ASIC2: variants seen among roughly 807,000 people sequenced by gnomAD.
The protein encoded by ASIC2 is acid sensing ion channel subunit 2.
A neutral mutation model predicts 57.3 loss-of-function variants in ASIC2; 25 were observed. The observed-to-expected ratio is 0.44, with a 90% CI of 0.32 to 0.61. The LOEUF (loss-of-function observed/expected upper bound fraction) is 0.61. Ranked by LOEUF, ASIC2 falls within the 20% of genes least tolerant of loss-of-function variation. ASIC2 has a pLI of 0.06. For synonymous variants in ASIC2, 319 were observed against 307.5 expected, an observed-to-expected ratio of 1.04 and a Z score of -0.39; for missense variants, 641 against 738.1, an observed-to-expected ratio of 0.87 and a Z score of 1.52.
intron 1 of ASIC2, among the ~76,000 whole-genome samples, chr17:33,193,858 C>T (rs967690451): frequency 2.0e-5 from 3 of 152,148 alleles, no homozygotes; most frequent in African/African-American, 4.8e-5. Context: ...TAGTTTCTGC[C>T]GCTGGTAGCT....
chr17:33,148,247 A>G (rs1350913066), intron 1 of ASIC2, among the ~76,000 whole-genome samples: 1 of 152,208 alleles, frequency 6.6e-6, no homozygotes, highest in Non-Finnish European at 1.5e-5. Context: ...AAACATTGAC[A>G]CATACCATAT....
chr17:33,678,714 A>G (rs1907905096), intron 1 of ASIC2, among the ~76,000 whole-genome samples: 1 of 152,162 alleles, frequency 6.6e-6, no homozygotes, highest in African/African-American at 2.4e-5. Context: ...GGCCCTGTCC[A>G]GAAGGCTCTG....
rs187743023 is a variant in ASIC2 at position 34,142,107 on chromosome 17, T to C, written c.555+13871A>G. Among the ~76,000 whole-genome samples the C allele has an allele frequency of 2.2e-4, 33 of 152,330 alleles. 1 individual carries two copies. In the East Asian group the frequency reaches 6.2e-3, roughly 29 times the overall value. On this transcript the variant is annotated intron_variant, in intron 1 of 9. Coordinates refer to the ASIC2 transcript ENST00000359872. ...AAGAAAGCCATCTTGGCCCAAACTTTAGAAGATTCTATTACTTCCAATGCC... is the reference window on the plus strand; with the variant it reads ...AAGAAAGCCATCTTGGCCCAAACTTCAGAAGATTCTATTACTTCCAATGCC...
chr17:33,878,557 A>G (rs1284355869), intron 1 of ASIC2, among the ~76,000 whole-genome samples: 2 of 152,230 alleles, frequency 1.3e-5, no homozygotes, highest in African/African-American at 2.4e-5. Context: ...AGTTTAGAGA[A>G]AAAAGAATAA....
chr17:33,014,168 T>C (rs1298917833), intron 9 of ASIC2, 102 bp from the exon 10 acceptor site: 1 of 871,266 alleles, frequency 1.1e-6, no homozygotes, highest in East Asian at 2.6e-5. Flanking sequence ...TGCTCCCCAC[T>C]TGTGGGCTGC....
chr17:33,176,631 C>T (rs116325969), intron 1 of ASIC2, among the ~76,000 whole-genome samples: 1,686 of 152,338 alleles, frequency 0.011, 19 homozygotes, highest in African/African-American at 0.027. Context: ...AGGCATGAGC[C>T]ACAATGCCTG....
intron 1 of ASIC2, among the ~76,000 whole-genome samples, chr17:33,814,013 A>G (rs2141887980): frequency 1.3e-5 from 2 of 152,158 alleles, no homozygotes; most frequent in Middle Eastern, 6.8e-3. Context: ...CCTATGATTC[A>G]GGTGGGTAGG....
intron 1 of ASIC2, among the ~76,000 whole-genome samples, chr17:33,304,173 G>A (rs1285542567): frequency 6.6e-6 from 1 of 152,202 alleles, no homozygotes; most frequent in African/African-American, 2.4e-5. Context: ...AACATGACAA[G>A]GATGCCAGTG....
chr17:34,099,322 GAAA>G (rs1489227815), intron 1 of ASIC2, among the ~76,000 whole-genome samples: 1 of 141,990 alleles, frequency 7.0e-6, no homozygotes, highest in Non-Finnish European at 1.5e-5. Flanking sequence ...AGAAAGGAAA[GAAA>G]GAAGGGAGGG....
At chr17:33,966,562 A>G (rs1173731509) in intron 1 of ASIC2, among the ~76,000 whole-genome samples, 1 of 152,258 alleles carries the variant, frequency 6.6e-6, no homozygotes, top group Admixed American at 6.5e-5. Flanking sequence ...TTAAAGCAAG[A>G]AGAGGATTAC....
intron 1 of ASIC2, among the ~76,000 whole-genome samples, chr17:33,974,299 G>A (rs989984731): frequency 1.3e-5 from 2 of 152,132 alleles, no homozygotes; most frequent in Non-Finnish European, 2.9e-5. Context: ...ACAACGTTAA[G>A]GAAGCAGATT....
intron 1 of ASIC2, among the ~76,000 whole-genome samples, chr17:33,583,272 A>G (rs986575885): frequency 1.2e-4 from 18 of 152,100 alleles, no homozygotes; most frequent in Non-Finnish European, 2.4e-4. Context: ...GATCTGCATT[A>G]CAAATTGTCC....
At chr17:33,270,127 C>A (rs927400333) in intron 1 of ASIC2, among the ~76,000 whole-genome samples, 4 of 152,232 alleles carry the variant, frequency 2.6e-5, no homozygotes, top group Admixed American at 2.0e-4. Context: ...TAAACTAATT[C>A]ATTGCAAAGT....
intron 2 of ASIC2, among the ~76,000 whole-genome samples, chr17:33,093,129 A>G (rs1421853037): frequency 6.6e-6 from 1 of 152,182 alleles, no homozygotes; most frequent in Non-Finnish European, 1.5e-5. Flanking sequence ...AAAATGCAGG[A>G]CCCCTTGTTA....
At chr17:33,060,781 T>G (rs1228020848) in intron 3 of ASIC2, among the ~76,000 whole-genome samples, 1 of 152,220 alleles carries the variant, frequency 6.6e-6, no homozygotes, top group Non-Finnish European at 1.5e-5. Context: ...TATTGATTCT[T>G]CCTATCCATG....
chr17:33,332,432 G>T (rs895113813), intron 1 of ASIC2, among the ~76,000 whole-genome samples: 7 of 151,976 alleles, frequency 4.6e-5, no homozygotes, highest in Non-Finnish European at 1.0e-4. Flanking sequence ...TTATTTTTTG[G>T]TATCGAATCT....
At chr17:33,857,624 C>A (rs116986218) in intron 1 of ASIC2, among the ~76,000 whole-genome samples, 9 of 152,162 alleles carry the variant, frequency 5.9e-5, no homozygotes, top group Admixed American at 4.6e-4. Flanking sequence ...CAGATGCAAA[C>A]GTCAAAGCTC....
chr17:33,414,367 G>A (rs548572126), intron 1 of ASIC2, among the ~76,000 whole-genome samples: 18 of 152,204 alleles, frequency 1.2e-4, no homozygotes, highest in Non-Finnish European at 2.4e-4. Flanking sequence ...CGAGGAAGGG[G>A]ATGTTCTAGG....
At chr17:33,280,751 T>C (rs1904911289) in intron 1 of ASIC2, among the ~76,000 whole-genome samples, 1 of 152,250 alleles carries the variant, frequency 6.6e-6, no homozygotes, top group South Asian at 2.1e-4. Flanking sequence ...GGTGGTTCTA[T>C]AAATCAAATT....
Sources: allele counts gnomAD v4.1 joint callset (sites outside exome capture counted in the v4.1 genomes callset), GRCh38; gene constraint gnomAD v4.1.1; transcripts MANE v1.5; gene names NCBI Gene and HGNC (gene_info 2026-07-23, HGNC 2026-07-21).